Variants in ZFYVE1 observed in about 807,000 individuals in gnomAD.
ZFYVE1 encodes the protein zinc finger FYVE domain-containing protein 1.
ZFYVE1 carries 30 observed loss-of-function variants against 74.4 expected under a neutral mutation model. That is an observed-to-expected ratio of 0.40 (90% CI 0.30 to 0.55). ZFYVE1 has a LOEUF of 0.55. ZFYVE1 is among the 20% of genes least tolerant of loss of function. The pLI, the probability that ZFYVE1 is intolerant of heterozygous loss-of-function variation, is 0.42. For missense variants in ZFYVE1, 703 were observed against 1,011.6 expected (o/e 0.69, Z 4.14); for synonymous variants, 335 against 385.1 (o/e 0.87, Z 1.52).
At chr14:72,984,462 G>A (rs1037525686) in intron 4 of ZFYVE1, among the ~76,000 whole-genome samples, 5 of 151,814 alleles carry the variant, frequency 3.3e-5, no homozygotes, top group Non-Finnish European at 5.9e-5. Context: ...CCGGGAGGCG[G>A]ACGTTACAGT....
intron 4 of ZFYVE1, chr14:72,987,010 C>G (rs902138481): frequency 4.1e-6 from 4 of 978,584 alleles, no homozygotes. Context: ...TGAGGCAAGT[C>G]TGGAAAAGGT....
chr14:73,007,418 G>A (rs1894003645), intron 2 of ZFYVE1, among the ~76,000 whole-genome samples: 1 of 151,940 alleles, frequency 6.6e-6, no homozygotes, highest in African/African-American at 2.4e-5. Flanking sequence ...GACAGGTCTT[G>A]CTCTGTTGCC....
chr14:72,978,316 C>G (rs1893228940), intron 6 of ZFYVE1, 82 bp from the exon 7 acceptor site: 1 of 1,409,164 alleles, frequency 7.1e-7, no homozygotes, highest in South Asian at 1.2e-5. Flanking sequence ...CCAGCCCAGG[C>G]TGGTTGTGAA....
intron 2 of ZFYVE1, among the ~76,000 whole-genome samples, chr14:73,008,018 G>A (rs1324219219): frequency 6.6e-6 from 1 of 152,164 alleles, no homozygotes; most frequent in Non-Finnish European, 1.5e-5. Flanking sequence ...CCACTCTAGT[G>A]TCCCCAAAGT....
At chr14:72,988,941 T>C (rs1176494562) in intron 4 of ZFYVE1, among the ~76,000 whole-genome samples, 2 of 148,358 alleles carry the variant, frequency 1.3e-5, no homozygotes, top group Non-Finnish European at 3.0e-5. Context: ...TTTTTTTTTT[T>C]TTTTTTTTGA....
chr14:73,023,371 TATATA>T (rs1894381246), intron 2 of ZFYVE1, among the ~76,000 whole-genome samples: 1 of 24,412 alleles, frequency 4.1e-5, no homozygotes, highest in Admixed American at 7.5e-4. Flanking sequence ...ATATGTTTTA[TATATA>T]ATATATATAT....
rs142502657 is a variant in ZFYVE1 at position 72,993,789 on chromosome 14, C to T, written c.989-432G>A. On this transcript the variant is annotated intron_variant, in intron 3 of 11. Coordinates refer to ENST00000556143, the MANE Select transcript of ZFYVE1 (RefSeq NM_021260.4). ...CTGTAATCCCAGCATTATGGGAGGC[C>T]GAGGCAGGTGGATCACCAGGTCAAG... Among the ~76,000 whole-genome samples the T allele has an allele frequency of 3.1e-3, 465 of 150,890 alleles. 17 individuals are homozygous for T. The East Asian group carries it at 0.087, about 28-fold the overall frequency.
At position 73,024,741 on chromosome 14, in the gene ZFYVE1, G is replaced by A. The variant is rs1293166633; in HGVS notation, c.-233C>T. The A allele has an allele frequency of 1.9e-6, 1 of 538,634 alleles. No individual in the cohort carries two copies. The highest frequency in any genetic ancestry group is 3.1e-6 in the Non-Finnish European group (1 of 325,756). The allele number at this position is 538,634 out of a possible 1,614,324, so 33.4% of individuals were successfully genotyped here. On this transcript the variant is annotated 5_prime_UTR_variant, in exon 2 of 12. Transcript: ENST00000556143. Reference sequence around the variant, plus strand: ...GCAGCAACGTTGATTTGGTTTGATGGTTTCATCCTCCATAAAGTGCAAGCA... The same window carrying A: ...GCAGCAACGTTGATTTGGTTTGATGATTTCATCCTCCATAAAGTGCAAGCA...
At position 72,993,140 on chromosome 14, in the gene ZFYVE1, G is replaced by A; in HGVS notation, c.1203+3C>T. 1 of 1,594,232 alleles carries A rather than the reference G, an allele frequency of 6.3e-7. No homozygotes were observed. Among genetic ancestry groups the A allele is most frequent in the Non-Finnish European group, 8.6e-7 (1 of 1,167,942 alleles). On this transcript the variant is annotated splice_donor_region_variant and intron_variant, in intron 4 of 11. Transcript: ENST00000556143. ...GAAGCCCTTGGGGCACAAGCCAACT[G>A]ACCTTCAGGGCTTTGAAGATGACTC...
intron 3 of ZFYVE1, among the ~76,000 whole-genome samples, chr14:72,997,236 C>T (rs1269812895): frequency 1.3e-5 from 2 of 152,150 alleles, no homozygotes; most frequent in South Asian, 2.1e-4. Flanking sequence ...ATCTGCAATA[C>T]GTCACATCTT....
intron 2 of ZFYVE1, among the ~76,000 whole-genome samples, chr14:73,005,907 C>T (rs1277189505): frequency 6.6e-6 from 1 of 152,042 alleles, no homozygotes; most frequent in East Asian, 1.9e-4. Context: ...TAACCACCTC[C>T]TGCTAATCAA....
intron 2 of ZFYVE1, among the ~76,000 whole-genome samples, chr14:73,018,078 C>T (rs2535918): frequency 0.056 from 8,531 of 152,206 alleles, 356 homozygotes; most frequent in Non-Finnish European, 0.081. Flanking sequence ...TCTTCCCATT[C>T]CCTCTATCTG....
intron 4 of ZFYVE1, among the ~76,000 whole-genome samples, chr14:72,990,084 G>C (rs751501652): frequency 1.5e-4 from 23 of 152,186 alleles, no homozygotes; most frequent in Non-Finnish European, 2.4e-4. Context: ...ATTTGCCTAA[G>C]GCAGACCTTA....
At chr14:73,012,858 GAAAGAAA>G (rs1321073930) in intron 2 of ZFYVE1, among the ~76,000 whole-genome samples, 1 of 152,094 alleles carries the variant, frequency 6.6e-6, no homozygotes, top group Non-Finnish European at 1.5e-5. Flanking sequence ...TGAACGCTTT[GAAAGAAA>G]AAATTATGAG....
rs570267060 is a variant in ZFYVE1 at position 72,993,103 on chromosome 14, G to C, written c.1203+40C>G. On this transcript the variant is annotated intron_variant, in intron 4 of 11. Transcript: ENST00000556143. ...AACTGAGTGTTCTCACCACCCACTG[G>C]CACCCCAATGAGAAGCCCTTGGGGC... is the stretch of plus-strand genomic sequence containing the variant. 2.6e-6 allele frequency: 4 copies of C among 1,525,350 alleles called. No homozygotes were observed. In the African/African-American group the frequency reaches 5.5e-5, roughly 21 times the overall value. 94.5% of individuals were successfully genotyped at this position (1,525,350 alleles called of 1,614,324 possible). A position where few individuals can be genotyped will look rare whatever the true frequency, so the allele number is the denominator to read the frequency against.
chr14:72,980,134 A>G (rs1366572570), intron 5 of ZFYVE1, among the ~76,000 whole-genome samples: 1 of 152,204 alleles, frequency 6.6e-6, no homozygotes, highest in East Asian at 1.9e-4. Flanking sequence ...TGAACTCTCC[A>G]AGATAATCCT....
Position 72,970,061 on chromosome 14 carries a change from CTGGG to C in ZFYVE1, c.*817_*820del. The C allele has an allele frequency of 2.9e-6, 1 of 342,370 alleles. No homozygotes were observed. The highest frequency in any genetic ancestry group is 5.3e-6 in the Non-Finnish European group (1 of 188,008). 21.2% of individuals were successfully genotyped at this position (342,370 alleles called of 1,614,324 possible). On this transcript the variant is annotated 3_prime_UTR_variant, in exon 12 of 12. Coordinates refer to ENST00000556143, the MANE Select transcript of ZFYVE1 (RefSeq NM_021260.4). ...GGAGGCAGATGCTTCGATTGAGGAG[CTGGG>C]TGCCGCCTTTTGGGAAAGCCGAGTG...
At chr14:73,020,484 C>A (rs962654456) in intron 2 of ZFYVE1, among the ~76,000 whole-genome samples, 3 of 152,086 alleles carry the variant, frequency 2.0e-5, no homozygotes, top group Non-Finnish European at 4.4e-5. Flanking sequence ...TCCTGAGTAG[C>A]TGGGATTACA....
intron 3 of ZFYVE1, among the ~76,000 whole-genome samples, chr14:72,995,416 A>T (rs1461737294): frequency 6.6e-6 from 1 of 152,130 alleles, no homozygotes; most frequent in Non-Finnish European, 1.5e-5. Flanking sequence ...ATGTTTTTGT[A>T]GAGTCAGAGT....
Sources: gnomAD v4.1 joint callset for allele counts (sites outside exome capture counted in the v4.1 genomes callset) on GRCh38, gnomAD v4.1.1 for gene constraint, MANE v1.5 for transcripts, NCBI Gene and HGNC (gene_info 2026-07-23, HGNC 2026-07-21) for gene names.